NCKAP5: variants seen among roughly 807,000 people sequenced by gnomAD.
NCKAP5 encodes NCK associated protein 5, also known as nck-associated protein 5.
A neutral mutation model predicts 167.0 loss-of-function variants in NCKAP5; 92 were observed. The ratio of observed to expected loss-of-function variants is 0.55; its 90% CI spans 0.47 to 0.66. The LOEUF (loss-of-function observed/expected upper bound fraction) is 0.66, where lower values mean the gene tolerates loss of function less well. Ranked by LOEUF, NCKAP5 falls within the 30% of genes least tolerant of loss-of-function variation. NCKAP5 has a pLI of 0.00. For synonymous variants in NCKAP5, 891 were observed against 877.4 expected (o/e 1.02, Z -0.27); for missense variants, 2,378 against 2,315.0 (o/e 1.03, Z -0.56).
intron 5 of NCKAP5, among the ~76,000 whole-genome samples, chr2:133,158,733 CT>C (rs2083672345): frequency 6.6e-6 from 1 of 152,134 alleles, no homozygotes; most frequent in African/African-American, 2.4e-5. Context: ...ACAAAACAAT[CT>C]TTCCAAATAT....
chr2:133,306,416 C>T (rs945911428), intron 3 of NCKAP5, among the ~76,000 whole-genome samples: 5 of 152,108 alleles, frequency 3.3e-5, no homozygotes, highest in East Asian at 1.9e-4. Context: ...GAGGGTGTGA[C>T]GGTGAAAATT....
At chr2:133,374,211 T>C (rs1489520973) in intron 3 of NCKAP5, among the ~76,000 whole-genome samples, 2 of 152,196 alleles carry the variant, frequency 1.3e-5, no homozygotes, top group African/African-American at 4.8e-5. Flanking sequence ...TGAAAGGACA[T>C]AGAGGAACCT....
intron 1 of NCKAP5, among the ~76,000 whole-genome samples, chr2:133,562,532 C>G (rs80014431): frequency 2.6e-5 from 4 of 152,146 alleles, no homozygotes; most frequent in Admixed American, 6.5e-5. Context: ...ACATGCGTCT[C>G]GACAGTAACA....
chr2:133,094,895 C>A (rs1437635550), intron 6 of NCKAP5, among the ~76,000 whole-genome samples: 1 of 152,086 alleles, frequency 6.6e-6, no homozygotes, highest in East Asian at 1.9e-4. Context: ...ATGCAGATGA[C>A]CCCTAGAAGT....
chr2:132,810,022 G>A (rs1214570993), intron 11 of NCKAP5, among the ~76,000 whole-genome samples: 1 of 152,186 alleles, frequency 6.6e-6, no homozygotes, highest in African/African-American at 2.4e-5. Context: ...GAAAAAGACT[G>A]TATCTTTCCT....
intron 7 of NCKAP5, among the ~76,000 whole-genome samples, chr2:132,967,162 TACACACACAC>T (rs149896546): frequency 0.014 from 1,981 of 141,818 alleles, 34 homozygotes; most frequent in African/African-American, 0.042. Flanking sequence ...TGCCCTATCG[TACACACACAC>T]ACACACACAC....
intron 7 of NCKAP5, among the ~76,000 whole-genome samples, chr2:132,968,854 C>T (rs1394365063): frequency 6.6e-6 from 1 of 151,922 alleles, no homozygotes; most frequent in South Asian, 2.1e-4. Context: ...CAAGTGGAAA[C>T]CTTTTTCAAG....
At chr2:133,512,280 C>G (rs1206372743) in intron 3 of NCKAP5, among the ~76,000 whole-genome samples, 1 of 152,080 alleles carries the variant, frequency 6.6e-6, no homozygotes, top group Non-Finnish European at 1.5e-5. Context: ...GGTATATGTA[C>G]CTTTGATAAC....
In NCKAP5 at chr2:133,526,668, C is replaced by T. The variant is rs367908015; in HGVS notation, c.-61-9081G>A. On this transcript the variant is annotated intron_variant, in intron 2 of 19. Coordinates refer to ENST00000409261, the MANE Select transcript of NCKAP5 (RefSeq NM_207363.3). ...TCTTCTCAAACCATCTGTTCCTTCT[C>T]TCCCACTCTTCCTTTGTAAAGATCT... is the stretch of plus-strand genomic sequence containing the variant. Among the ~76,000 whole-genome samples the T allele has an allele frequency of 3.3e-5, 5 of 152,170 alleles. No homozygotes were observed. The East Asian group carries it at 9.7e-4, about 30-fold the overall frequency.
intron 8 of NCKAP5, among the ~76,000 whole-genome samples, chr2:132,944,815 T>A (rs923560491): frequency 3.3e-5 from 5 of 152,172 alleles, no homozygotes; most frequent in African/African-American, 9.7e-5. Flanking sequence ...TGTGAACATG[T>A]CATAGGATTT....
intron 19 of NCKAP5, among the ~76,000 whole-genome samples, chr2:132,706,886 A>G (rs1688405830): frequency 6.6e-6 from 1 of 152,170 alleles, no homozygotes; most frequent in Non-Finnish European, 1.5e-5. Flanking sequence ...AGAATGGCAT[A>G]TTATGGCGCT....
At chr2:133,392,558 T>C (rs1249999765) in intron 3 of NCKAP5, among the ~76,000 whole-genome samples, 1 of 152,228 alleles carries the variant, frequency 6.6e-6, no homozygotes, top group Non-Finnish European at 1.5e-5. Flanking sequence ...TATAACTGTA[T>C]TGTTACAGTT....
At chr2:132,878,613 T>TACAC (rs10544477) in intron 9 of NCKAP5, among the ~76,000 whole-genome samples, 66 of 131,988 alleles carry the variant, frequency 5.0e-4, no homozygotes, top group African/African-American at 1.6e-3. Flanking sequence ...GGGGGGCAGA[T>TACAC]ACACACACAC....
chr2:133,076,160 T>C (rs562261011), intron 6 of NCKAP5, among the ~76,000 whole-genome samples: 17 of 152,354 alleles, frequency 1.1e-4, no homozygotes, highest in East Asian at 5.8e-4. Flanking sequence ...TTTTTGTGCA[T>C]GCAAATTTAA....
At chr2:133,647,701 G>GAAAAA in the NCKAP5 span, among the ~76,000 whole-genome samples, 218 of 84,142 alleles carry the variant, frequency 2.6e-3, 1 homozygote, top group African/African-American at 9.8e-3. Context: ...GAAGAAAGAA[G>GAAAAA]GAAAGAAAAA....
At chr2:133,042,706 TA>T (rs556471286) in intron 6 of NCKAP5, among the ~76,000 whole-genome samples, 7 of 152,204 alleles carry the variant, frequency 4.6e-5, no homozygotes, top group Non-Finnish European at 7.3e-5. Context: ...GGACTAATAT[TA>T]ATTAAGAATT....
chr2:133,473,611 T>C (rs1424999651), intron 3 of NCKAP5, among the ~76,000 whole-genome samples: 1 of 152,360 alleles, frequency 6.6e-6, no homozygotes, highest in South Asian at 2.1e-4. Flanking sequence ...TTTCTAATCA[T>C]ATACATTTTG....
At chr2:133,410,935 G>T (rs951342649) in intron 3 of NCKAP5, among the ~76,000 whole-genome samples, 9 of 152,154 alleles carry the variant, frequency 5.9e-5, no homozygotes, top group Admixed American at 6.5e-5. Flanking sequence ...GTTCCCCAGG[G>T]ATTTAAATAA....
intron 19 of NCKAP5, among the ~76,000 whole-genome samples, chr2:132,720,638 C>T (rs1025825538): frequency 6.6e-6 from 1 of 152,096 alleles, no homozygotes; most frequent in South Asian, 2.1e-4. Flanking sequence ...AGGAGACAGG[C>T]AGCAGCCTCT....
Sources: gnomAD v4.1 joint callset for allele counts (sites outside exome capture counted in the v4.1 genomes callset) on GRCh38, gnomAD v4.1.1 for gene constraint, MANE v1.5 for transcripts, NCBI Gene and HGNC (gene_info 2026-07-23, HGNC 2026-07-21) for gene names.